LRRK2: variants seen among roughly 807,000 people sequenced by gnomAD.
The protein encoded by LRRK2 is leucine rich repeat kinase 2, also known as leucine-rich repeat serine/threonine-protein kinase 2.
LRRK2 carries 203 observed loss-of-function variants against 302.6 expected under a neutral mutation model. That is an observed-to-expected ratio of 0.67 (90% CI 0.60 to 0.75). The LOEUF is 0.75. Among genes scored for constraint, LRRK2 ranks in the 30% least tolerant of loss-of-function variants. The probability of loss-of-function intolerance (pLI) is 0.00; values close to 1 mark genes in which losing one functional copy is unlikely to be tolerated. For synonymous variants in LRRK2, 1,066 were observed against 1,031.9 expected (o/e 1.03, Z -0.63); for missense variants, 2,830 against 2,951.0 (o/e 0.96, Z 0.95).
chr12:40,298,330 A>C lies in LRRK2; in HGVS notation c.3184A>C (p.Asn1062His), dbSNP rs201935017. The change falls in exon 24 of 51, where the codon AAT becomes CAT. Residue 1062 changes from asparagine to histidine, a missense_variant. By Grantham distance (68) the Asn-to-His change is moderately conservative. Around this residue, in one of 3 missense-constraint regions of LRRK2, gnomAD observed 2,121 missense variants for 2,148.0 expected, o/e 0.99. Coordinates refer to ENST00000298910, the MANE Select transcript of LRRK2 (RefSeq NM_198578.4). The part of the protein sequence containing the change: ...SYLLKMSCIA[N>H]LDVSRNDIGP... Reference sequence around the variant, plus strand: ...TTTGTTGAAAATGAGTTGTATTGCTAATCTTGATGTCTCTCGAAATGACAT... The same window carrying C: ...TTTGTTGAAAATGAGTTGTATTGCTCATCTTGATGTCTCTCGAAATGACAT... 2.5e-6 allele frequency: 4 copies of C among 1,613,822 alleles called. No homozygotes were observed. The highest frequency in any genetic ancestry group is 3.4e-6 in the Non-Finnish European group (4 of 1,179,938).
chr12:40,246,143 T>A (rs949104695), intron 7 of LRRK2, among the ~76,000 whole-genome samples: 1 of 151,990 alleles, frequency 6.6e-6, no homozygotes, highest in African/African-American at 2.4e-5. Flanking sequence ...TATTTCTTCT[T>A]TGCTTTTGTT....
At chr12:40,282,706 C>T (rs936616272) in intron 18 of LRRK2, among the ~76,000 whole-genome samples, 16 of 152,226 alleles carry the variant, frequency 1.1e-4, no homozygotes, top group African/African-American at 2.4e-4. Context: ...TGAAGGTGGG[C>T]GTACTTGGAG....
chr12:40,363,955 G>T (rs1430173741), intron 48 of LRRK2, among the ~76,000 whole-genome samples: 1 of 151,850 alleles, frequency 6.6e-6, no homozygotes, highest in Admixed American at 6.6e-5. Context: ...ACAAATATGG[G>T]GGGAAATGCA....
At chr12:40,273,969 G>A (rs1322738666) in intron 14 of LRRK2, among the ~76,000 whole-genome samples, 1 of 151,978 alleles carries the variant, frequency 6.6e-6, no homozygotes, top group Non-Finnish European at 1.5e-5. Context: ...TAAGATCCTG[G>A]GCTTTTAAGG....
intron 42 of LRRK2, among the ~76,000 whole-genome samples, chr12:40,347,881 T>C (rs1181401661): frequency 6.6e-6 from 1 of 152,002 alleles, no homozygotes; most frequent in Non-Finnish European, 1.5e-5. Context: ...GAGAATAGCT[T>C]GAACCTGGGA....
intron 13 of LRRK2, among the ~76,000 whole-genome samples, chr12:40,263,057 C>T (rs1007403355): frequency 6.6e-6 from 1 of 152,126 alleles, no homozygotes; most frequent in African/African-American, 2.4e-5. Flanking sequence ...CTGTTGTAGC[C>T]AGCTTACAGT....
chr12:40,243,419 A>G (rs1246320471), intron 6 of LRRK2, 131 bp from the exon 7 acceptor site: 1 of 951,894 alleles, frequency 1.1e-6, no homozygotes, highest in East Asian at 2.6e-5. Flanking sequence ...CTTAAAGAAC[A>G]TGATGTTTAA....
chr12:40,275,015 GA>G (rs760457760), intron 16 of LRRK2, 22 bp downstream of exon 16: 2 of 1,613,478 alleles, frequency 1.2e-6, no homozygotes, highest in East Asian at 4.5e-5. Flanking sequence ...ATCTTGGAAA[GA>G]ATTTGGGAAC....
In LRRK2 at chr12:40,309,101, T is replaced by A; in HGVS notation, c.4190-5T>A. On this transcript the variant is annotated splice_region_variant and splice_polypyrimidine_tract_variant and intron_variant, in intron 29 of 50. Transcript: ENST00000298910. ...TAAAAAAATTTGTCTCTAATCTTTA[T>A]TTAGGTCGTGAGGAATTCTATAGTA... The A allele has an allele frequency of 6.2e-7, 1 of 1,613,474 alleles. No individual in the cohort carries two copies. The highest frequency in any genetic ancestry group is 8.5e-7 in the Non-Finnish European group (1 of 1,179,690).
chr12:40,252,253 C>T (rs1942306469), intron 10 of LRRK2, among the ~76,000 whole-genome samples: 1 of 152,132 alleles, frequency 6.6e-6, no homozygotes, highest in Admixed American at 6.6e-5. Flanking sequence ...TAGTAGTATT[C>T]TATGTCTGAA....
chr12:40,353,472 G>A (rs1435386396), intron 44 of LRRK2, among the ~76,000 whole-genome samples: 3 of 147,588 alleles, frequency 2.0e-5, no homozygotes, highest in Non-Finnish European at 3.0e-5. Context: ...GATGGCGGCC[G>A]GGAAGAGGCG....
Position 40,225,014 on chromosome 12 carries a change from CT to C in LRRK2, c.-117del. Reference sequence around the variant, plus strand: ...GCGCCGATGGGGCCCGCGGGGAGCGCTGGCTGCGGGCGGTGAGCTGAGCTCG... The same window carrying C: ...GCGCCGATGGGGCCCGCGGGGAGCGCGGCTGCGGGCGGTGAGCTGAGCTCG... On this transcript the variant is annotated 5_prime_UTR_variant, in exon 1 of 51. Coordinates refer to ENST00000298910, the MANE Select transcript of LRRK2 (RefSeq NM_198578.4). The C allele has an allele frequency of 7.3e-7, 1 of 1,365,668 alleles. No homozygotes were observed. The highest frequency in any genetic ancestry group is 1.0e-6 in the Non-Finnish European group (1 of 983,528). The allele number at this position is 1,365,668 out of a possible 1,614,324, so 84.6% of individuals were successfully genotyped here.
At chr12:40,322,661 T>G (rs1213630520) in intron 37 of LRRK2, 151 bp downstream of exon 37, 2 of 698,558 alleles carry the variant, frequency 2.9e-6, no homozygotes, top group African/African-American at 3.6e-5. Flanking sequence ...CTGAATTATA[T>G]TTATTACCAA....
rs1942329998 is a variant in LRRK2 at position 40,252,752 on chromosome 12, TA to T, written c.1182-152del. Among the ~76,000 whole-genome samples the T allele has an allele frequency of 2.6e-5, 4 of 152,286 alleles. No individual in the cohort carries two copies. The South Asian group carries it at 8.3e-4, about 32-fold the overall frequency. ...GTTAGGATTTAATTAATTCGAGTCT[TA>T]AAAAATGAACTATAATTCACTCTTG... On this transcript the variant is annotated intron_variant, in intron 10 of 50. Coordinates refer to ENST00000298910, the MANE Select transcript of LRRK2 (RefSeq NM_198578.4).
rs1946197103 is a variant in LRRK2, at chr12:40,346,628, A to G, written c.6110-125A>G. On this transcript the variant is annotated intron_variant, in intron 41 of 50. Transcript: ENST00000298910. ...ATCAAGGTACCTTGTTATAAAAATA[A>G]CACAGCCTGGTTTAGAACATCTCTT... The G allele has an allele frequency of 3.4e-6, 3 of 870,286 alleles. No individual in the cohort carries two copies. In the Admixed American group the frequency reaches 6.9e-5, roughly 20 times the overall value. The allele number at this position is 870,286 out of a possible 1,614,324, so 53.9% of individuals were successfully genotyped here. A position where few individuals can be genotyped will look rare whatever the true frequency, so the allele number is the denominator to read the frequency against.
intron 19 of LRRK2, among the ~76,000 whole-genome samples, chr12:40,285,487 A>G (rs2136665311): frequency 6.6e-6 from 1 of 152,164 alleles, no homozygotes; most frequent in Middle Eastern, 3.4e-3. Context: ...ATTGATATGA[A>G]TTTAAATTGT....
intron 8 of LRRK2, among the ~76,000 whole-genome samples, chr12:40,250,191 T>TA (rs1237770823): frequency 8.5e-5 from 13 of 152,314 alleles, no homozygotes; most frequent in Admixed American, 3.9e-4. Context: ...TAATCTGTTT[T>TA]AAAAAAATTT....
chr12:40,290,981 A>G (rs920547430), intron 20 of LRRK2, among the ~76,000 whole-genome samples: 7 of 152,036 alleles, frequency 4.6e-5, no homozygotes, highest in African/African-American at 1.2e-4. Flanking sequence ...CTGCATCCCA[A>G]TATTTTGATG....
chr12:40,310,773 C>A, intron 31 of LRRK2, 124 bp downstream of exon 31: 1 of 917,704 alleles, frequency 1.1e-6, no homozygotes, highest in African/African-American at 1.7e-5. Flanking sequence ...TTGCTGTTAG[C>A]ATTATTAAAG....
Sources: gnomAD v4.1 joint callset for allele counts (sites outside exome capture counted in the v4.1 genomes callset) on GRCh38, gnomAD v4.1.1 for gene constraint, gnomAD v4.1.1 regional missense constraint, MANE v1.5 for transcripts, NCBI Gene and HGNC (gene_info 2026-07-23, HGNC 2026-07-21) for gene names.